Variants in BMPR1A observed in about 807,000 individuals in gnomAD.
BMPR1A encodes bone morphogenetic protein receptor type 1A, also known as bone morphogenetic protein receptor type-1A.
In BMPR1A, 7 loss-of-function variants were observed where a neutral mutation model predicts 66.0. That is an observed-to-expected ratio of 0.11 (90% CI 0.06 to 0.20). The LOEUF (loss-of-function observed/expected upper bound fraction) is 0.20. Among genes scored for constraint, BMPR1A ranks in the 10% least tolerant of loss-of-function variants. The pLI is 1.00. For synonymous variants in BMPR1A, 200 were observed against 229.7 expected (o/e 0.87, Z 1.17); for missense variants, 408 against 669.1 (o/e 0.61, Z 4.31).
intron 1 of BMPR1A, among the ~76,000 whole-genome samples, chr10:86,772,126 G>GTTT (rs777280640): frequency 0.012 from 1,109 of 88,852 alleles, 34 homozygotes; most frequent in Non-Finnish European, 0.016. Flanking sequence ...TCAGAGATAG[G>GTTT]TTTTTTTTTT....
chr10:86,897,522 G>A (rs1197341849), intron 5 of BMPR1A, among the ~76,000 whole-genome samples: 1 of 152,158 alleles, frequency 6.6e-6, no homozygotes, highest in Non-Finnish European at 1.5e-5. Context: ...AAGAGGAAGG[G>A]AAGTTAATTT....
chr10:86,786,194 T>C (rs780482100), intron 1 of BMPR1A, among the ~76,000 whole-genome samples: 8 of 152,186 alleles, frequency 5.3e-5, no homozygotes, highest in Non-Finnish European at 1.2e-4. Flanking sequence ...CCCTTGCCTC[T>C]ACACTCTGCA....
intron 10 of BMPR1A, among the ~76,000 whole-genome samples, chr10:86,920,781 C>G (rs983763281): frequency 6.6e-6 from 1 of 151,324 alleles, no homozygotes; most frequent in Non-Finnish European, 1.5e-5. Flanking sequence ...CAAGCGATTC[C>G]TCTTGTATTT....
At chr10:86,791,013 A>AGAG (rs1250655044) in intron 1 of BMPR1A, among the ~76,000 whole-genome samples, 1 of 152,230 alleles carries the variant, frequency 6.6e-6, no homozygotes, top group Non-Finnish European at 1.5e-5. Context: ...TTCCACTTCT[A>AGAG]ACAAAATTGA....
intron 1 of BMPR1A, among the ~76,000 whole-genome samples, chr10:86,758,860 T>A (rs560244363): frequency 6.6e-6 from 1 of 152,324 alleles, no homozygotes; most frequent in African/African-American, 2.4e-5. Flanking sequence ...TCTGTAAGAT[T>A]TAACATCGAC....
At chr10:86,848,594 A>G (rs1002621383) in intron 2 of BMPR1A, among the ~76,000 whole-genome samples, 6 of 152,032 alleles carry the variant, frequency 3.9e-5, no homozygotes, top group African/African-American at 1.2e-4. Flanking sequence ...TTTGCTTTTA[A>G]CATACTACCT....
At chr10:86,820,591 A>G (rs889755345) in intron 1 of BMPR1A, among the ~76,000 whole-genome samples, 1 of 152,136 alleles carries the variant, frequency 6.6e-6, no homozygotes, top group Non-Finnish European at 1.5e-5. Context: ...CGATTGTAAC[A>G]CTGATCAAAT....
At chr10:86,774,393 C>G (rs1841312977) in intron 1 of BMPR1A, among the ~76,000 whole-genome samples, 2 of 151,098 alleles carry the variant, frequency 1.3e-5, no homozygotes, top group Non-Finnish European at 2.9e-5. Flanking sequence ...TGGGCCAAGC[C>G]TGAATTGTAA....
intron 2 of BMPR1A, among the ~76,000 whole-genome samples, chr10:86,861,606 A>G (rs1455955001): frequency 6.6e-6 from 1 of 152,206 alleles, no homozygotes; most frequent in Non-Finnish European, 1.5e-5. Context: ...AATTATTTCC[A>G]TACTTATTTA....
chr10:86,917,189 G>A lies in BMPR1A; in HGVS notation c.731G>A (p.Arg244Gln), dbSNP rs147971049. 16 of 1,613,950 alleles carry A rather than the reference G, an allele frequency of 9.9e-6. No homozygotes were observed. Among genetic ancestry groups the A allele is most frequent in the African/African-American group, 2.7e-5 (2 of 74,918 alleles). Residue 244 changes from arginine to glutamine, a missense_variant, in exon 9 of 13, where the codon CGA (arginine) becomes CAA (glutamine). By Grantham distance (43) the Arg-to-Gln change is conservative. Around this residue, in one of 5 missense-constraint regions of BMPR1A, gnomAD observed 174 missense variants for 265.1 expected, o/e 0.66. Coordinates refer to ENST00000372037, the MANE Select transcript of BMPR1A (RefSeq NM_004329.3). Reference sequence around the variant, plus strand: ...ATGGTCCGGCAAGTTGGTAAAGGCCGATATGGAGAAGTATGGATGGGCAAA... The same window carrying A: ...ATGGTCCGGCAAGTTGGTAAAGGCCAATATGGAGAAGTATGGATGGGCAAA... ...IQMVRQVGKGRYGEVWMGKWR... is the reference protein window; with the variant it reads ...IQMVRQVGKGQYGEVWMGKWR...
intron 1 of BMPR1A, among the ~76,000 whole-genome samples, chr10:86,772,302 T>C (rs1040348619): frequency 7.9e-5 from 12 of 151,978 alleles, no homozygotes; most frequent in African/African-American, 2.9e-4. Context: ...GGCTAATGTT[T>C]TGTATTTTTA....
At chr10:86,922,493 T>C (rs1843681426) in intron 11 of BMPR1A, among the ~76,000 whole-genome samples, 2 of 152,296 alleles carry the variant, frequency 1.3e-5, no homozygotes, top group Admixed American at 1.3e-4. Context: ...CCCCAGGTTG[T>C]GCGATTTCAC....
intron 8 of BMPR1A, 146 bp from the exon 9 acceptor site, chr10:86,916,988 A>G: frequency 5.8e-6 from 5 of 858,104 alleles, no homozygotes; most frequent in Non-Finnish European, 9.5e-6. Context: ...GCGAGACTCC[A>G]TCTCAAAAAA....
At chr10:86,920,178 T>A (rs560877344) in intron 10 of BMPR1A, among the ~76,000 whole-genome samples, 1 of 152,358 alleles carries the variant, frequency 6.6e-6, no homozygotes, top group African/African-American at 2.4e-5. Context: ...TATTATATAT[T>A]TGATCCTTGT....
chr10:86,834,166 A>G (rs1842310315), intron 1 of BMPR1A, among the ~76,000 whole-genome samples: 1 of 152,228 alleles, frequency 6.6e-6, no homozygotes, highest in African/African-American at 2.4e-5. Context: ...ATGTGTTACC[A>G]GACTACCCAC....
chr10:86,866,583 T>C (rs1295573294), intron 2 of BMPR1A, among the ~76,000 whole-genome samples: 1 of 151,774 alleles, frequency 6.6e-6, no homozygotes, highest in Admixed American at 6.6e-5. Flanking sequence ...TAATTTTTTG[T>C]ATTTTTAGTA....
chr10:86,878,232 A>G (rs1842944562), intron 3 of BMPR1A, among the ~76,000 whole-genome samples: 1 of 152,212 alleles, frequency 6.6e-6, no homozygotes, highest in Non-Finnish European at 1.5e-5. Flanking sequence ...TTGATGTAAA[A>G]TAGAAATAAT....
At position 86,925,738 on chromosome 10, in the gene BMPR1A, T is replaced by TTTTTA; in HGVS notation, c.*2019_*2020insTTTTA. The stretch of plus-strand genomic sequence containing the variant: ...TTTGTCATCTTTTTTTTTTTTTTTT[T>TTTTTA]GAGACGGAGTCTCGCTCTGTCGCCC... On this transcript the variant is annotated 3_prime_UTR_variant, in exon 13 of 13. Transcript: ENST00000372037. 2.0e-5 allele frequency: 3 copies of TTTTTA among 152,750 alleles called. No individual in the cohort carries two copies. Among genetic ancestry groups the TTTTTA allele is most frequent in the South Asian group, 2.3e-4 (1 of 4,282 alleles). The allele number at this position is 152,750 out of a possible 1,614,324, so 9.5% of individuals were successfully genotyped here. A position where few individuals can be genotyped will look rare whatever the true frequency, so the allele number is the denominator to read the frequency against.
At chr10:86,819,551 G>A (rs1447885738) in intron 1 of BMPR1A, among the ~76,000 whole-genome samples, 9 of 152,030 alleles carry the variant, frequency 5.9e-5, no homozygotes, top group Non-Finnish European at 1.2e-4. Context: ...CGCCCACTTC[G>A]GCCTCCCCAA....
Sources: allele counts gnomAD v4.1 joint callset (sites outside exome capture counted in the v4.1 genomes callset), GRCh38; gene constraint gnomAD v4.1.1; regional missense constraint gnomAD v4.1.1; transcripts MANE v1.5; gene names NCBI Gene and HGNC (gene_info 2026-07-23, HGNC 2026-07-21).